PRKD1: variants seen among roughly 807,000 people sequenced by gnomAD.
PRKD1 encodes the protein protein kinase D1, also known as serine/threonine-protein kinase D1.
Under a neutral mutation model 95.9 loss-of-function variants are expected in PRKD1, and 63 were observed. The ratio of observed to expected loss-of-function variants is 0.66; its 90% confidence interval spans 0.54 to 0.81. The LOEUF (loss-of-function observed/expected upper bound fraction) is 0.81. Among genes scored for constraint, PRKD1 ranks in the 30% least tolerant of loss-of-function variants. The pLI, the probability that PRKD1 is intolerant of heterozygous loss-of-function variation, is 0.00. For missense variants in PRKD1, 1,048 were observed against 1,165.3 expected (o/e 0.90, Z 1.47); for synonymous variants, 425 against 423.1 (o/e 1.00, Z -0.05).
chr14:29,899,430 T>C (rs1375575504), intron 1 of PRKD1, among the ~76,000 whole-genome samples: 2 of 152,088 alleles, frequency 1.3e-5, no homozygotes, highest in East Asian at 3.9e-4. Flanking sequence ...ACAGATCACT[T>C]AAGGCCCGGA....
chr14:29,835,167 A>T (rs1357859219), intron 1 of PRKD1, among the ~76,000 whole-genome samples: 3 of 107,666 alleles, frequency 2.8e-5, no homozygotes, highest in African/African-American at 2.5e-4. Flanking sequence ...TACTGAAAAA[A>T]AACAAATTCA....
At chr14:29,747,819 C>T (rs1048835850) in intron 1 of PRKD1, among the ~76,000 whole-genome samples, 8 of 152,150 alleles carry the variant, frequency 5.3e-5, no homozygotes, top group African/African-American at 1.7e-4. Context: ...TCTTGGCTTA[C>T]TGCAACCTCT....
intron 16 of PRKD1, among the ~76,000 whole-genome samples, chr14:29,578,615 G>T (rs1892650802): frequency 1.4e-5 from 2 of 140,120 alleles, no homozygotes; most frequent in South Asian, 2.4e-4. Context: ...AGAGTCTATT[G>T]TATGATATGA....
chr14:29,601,060 CTTTA>C (rs1380570595), intron 13 of PRKD1, among the ~76,000 whole-genome samples: 1 of 152,056 alleles, frequency 6.6e-6, no homozygotes, highest in Non-Finnish European at 1.5e-5. Flanking sequence ...TTAAATGCTT[CTTTA>C]TTTTAGAAAA....
Position 29,766,174 on chromosome 14 carries a change from G to A in PRKD1, c.265-40500C>T, listed in dbSNP as rs143310372. Among the ~76,000 whole-genome samples, 84 of 152,282 alleles carry A rather than the reference G, an allele frequency of 5.5e-4. 1 individual carries two copies. The East Asian group carries it at 0.015, about 28-fold the overall frequency. ...CTGAGTTAAATTCCAAGTTTCATGAGACTAGTGAGCCTTGAGACTATCTTT... is the reference window on the plus strand; with the variant it reads ...CTGAGTTAAATTCCAAGTTTCATGAAACTAGTGAGCCTTGAGACTATCTTT... On this transcript the variant is annotated intron_variant, in intron 1 of 17. Coordinates refer to ENST00000331968, the MANE Select transcript of PRKD1 (RefSeq NM_002742.3).
At chr14:29,632,998 C>T in intron 8 of PRKD1, 52 bp from the exon 9 acceptor site, 1 of 1,476,042 alleles carries the variant, frequency 6.8e-7, no homozygotes, top group Non-Finnish European at 9.5e-7. Context: ...AAAAATATCC[C>T]CAATTGAAAA....
At chr14:29,611,693 A>G (rs947413200) in intron 13 of PRKD1, among the ~76,000 whole-genome samples, 2 of 149,406 alleles carry the variant, frequency 1.3e-5, no homozygotes, top group African/African-American at 4.9e-5. Context: ...CCTTCACACC[A>G]TTATTGGGTT....
intron 1 of PRKD1, among the ~76,000 whole-genome samples, chr14:29,925,643 G>T (rs143459508): frequency 6.6e-6 from 1 of 152,186 alleles, no homozygotes; most frequent in Non-Finnish European, 1.5e-5. Context: ...AGGAGGAAGT[G>T]GGGGGCGGGG....
In PRKD1 at chr14:29,684,325, T is replaced by C. The variant is rs1159223641; in HGVS notation, c.404-18117A>G. On this transcript the variant is annotated intron_variant, in intron 2 of 17. Coordinates refer to ENST00000331968, the MANE Select transcript of PRKD1 (RefSeq NM_002742.3). The stretch of plus-strand genomic sequence containing the variant: ...GCCACCATGCCTGACTAATTAGAGA[T>C]GGGGTTTCACCATTTTGGCCAGGCA... 2.0e-5 allele frequency among the ~76,000 whole-genome samples: 3 copies of C among 151,994 alleles called. No homozygotes were observed. The South Asian group carries it at 6.2e-4, about 32-fold the overall frequency.
intron 2 of PRKD1, among the ~76,000 whole-genome samples, chr14:29,673,930 C>T (rs940786049): frequency 1.3e-5 from 2 of 152,078 alleles, no homozygotes; most frequent in Admixed American, 6.6e-5. Context: ...AAATGCATGA[C>T]CTGGGGGAAG....
At chr14:29,920,588 A>G (rs1005910825) in intron 1 of PRKD1, among the ~76,000 whole-genome samples, 8 of 44,216 alleles carry the variant, frequency 1.8e-4, no homozygotes, top group South Asian at 9.5e-4. Context: ...CCAGTCTAAT[A>G]CACACACACA....
At chr14:29,810,586 G>A (rs1320113666) in intron 1 of PRKD1, among the ~76,000 whole-genome samples, 1 of 152,118 alleles carries the variant, frequency 6.6e-6, no homozygotes, top group Non-Finnish European at 1.5e-5. Flanking sequence ...AAACATTTTA[G>A]GCCTATTTAG....
chr14:29,745,855 T>C (rs1035781087), intron 1 of PRKD1, among the ~76,000 whole-genome samples: 1 of 152,196 alleles, frequency 6.6e-6, no homozygotes, highest in African/African-American at 2.4e-5. Flanking sequence ...AGGCTCCTTG[T>C]ATCTGGAGAC....
chr14:29,813,817 T>A (rs1208510770), intron 1 of PRKD1, among the ~76,000 whole-genome samples: 1 of 152,204 alleles, frequency 6.6e-6, no homozygotes, highest in East Asian at 1.9e-4. Context: ...TGTCAGACGA[T>A]GTTCATAGCC....
chr14:29,676,581 C>T (rs1883236853), intron 2 of PRKD1, among the ~76,000 whole-genome samples: 2 of 152,166 alleles, frequency 1.3e-5, no homozygotes, highest in Non-Finnish European at 2.9e-5. Flanking sequence ...TCTCCATCTC[C>T]TGACCTCGTG....
At chr14:29,643,867 G>T (rs1014457691) in intron 4 of PRKD1, among the ~76,000 whole-genome samples, 36 of 152,324 alleles carry the variant, frequency 2.4e-4, no homozygotes, top group African/African-American at 7.9e-4. Context: ...AAATATTTCT[G>T]TGCGTTAACT....
At chr14:29,744,790 A>G (rs1409474326) in intron 1 of PRKD1, among the ~76,000 whole-genome samples, 1 of 151,986 alleles carries the variant, frequency 6.6e-6, no homozygotes, top group Non-Finnish European at 1.5e-5. Flanking sequence ...CAGGTGATCC[A>G]CCCGCCTTGG....
At chr14:29,780,001 G>A (rs1429136318) in intron 1 of PRKD1, among the ~76,000 whole-genome samples, 4 of 152,130 alleles carry the variant, frequency 2.6e-5, no homozygotes, top group Non-Finnish European at 4.4e-5. Flanking sequence ...ACAACCATCT[G>A]ATCTTTGACA....
At chr14:29,866,429 T>C (rs1014446225) in intron 1 of PRKD1, among the ~76,000 whole-genome samples, 2 of 152,236 alleles carry the variant, frequency 1.3e-5, no homozygotes, top group African/African-American at 4.8e-5. Flanking sequence ...CATGATCAAA[T>C]ATTTTCCCCA....
Sources: allele counts gnomAD v4.1 joint callset (sites outside exome capture counted in the v4.1 genomes callset), GRCh38; gene constraint gnomAD v4.1.1; transcripts MANE v1.5; gene names NCBI Gene and HGNC (gene_info 2026-07-23, HGNC 2026-07-21).